The following ADAMTSL1 variants were observed in gnomAD, a reference collection of about 807,000 sequenced individuals.
ADAMTSL1 encodes ADAMTS-like protein 1.
In ADAMTSL1, 126 loss-of-function variants were observed where a neutral mutation model predicts 201.8. The observed-to-expected ratio is 0.62, with a 90% CI of 0.54 to 0.72. The LOEUF (loss-of-function observed/expected upper bound fraction) is 0.72. Among genes scored for constraint, ADAMTSL1 ranks in the 30% least tolerant of loss-of-function variants. The pLI is 0.00. For synonymous variants in ADAMTSL1, 1,121 were observed against 903.4 expected, an observed-to-expected ratio of 1.24 and a Z score of -4.32; for missense variants, 2,679 against 2,277.8, an observed-to-expected ratio of 1.18 and a Z score of -3.59.
chr9:18,844,797 A>G (rs557702074), intron 23 of ADAMTSL1, among the ~76,000 whole-genome samples: 1 of 152,174 alleles, frequency 6.6e-6, no homozygotes, highest in Non-Finnish European at 1.5e-5. Flanking sequence ...TCAGACTGCC[A>G]TGCTAGCAAT....
At chr9:17,945,668 G>A (rs1827435049) in intron 1 of ADAMTSL1, among the ~76,000 whole-genome samples, 1 of 152,154 alleles carries the variant, frequency 6.6e-6, no homozygotes, top group South Asian at 2.1e-4. Context: ...CCTTTGTAGG[G>A]ACATGGATGA....
At chr9:18,316,943 C>T (rs553162997) in intron 2 of ADAMTSL1, among the ~76,000 whole-genome samples, 22 of 152,204 alleles carry the variant, frequency 1.4e-4, no homozygotes, top group East Asian at 5.8e-4. Flanking sequence ...TTTATTGCAG[C>T]GTTATTCACA....
chr9:18,561,114 T>G (rs1821466122), intron 3 of ADAMTSL1, among the ~76,000 whole-genome samples: 1 of 152,156 alleles, frequency 6.6e-6, no homozygotes, highest in Non-Finnish European at 1.5e-5. Flanking sequence ...GGTCTTGTAA[T>G]TGTGATATTA....
At chr9:18,731,918 C>CA (rs369641783) in intron 15 of ADAMTSL1, among the ~76,000 whole-genome samples, 13 of 152,298 alleles carry the variant, frequency 8.5e-5, no homozygotes, top group African/African-American at 3.1e-4. Context: ...AACCACCTCC[C>CA]ACCAGGCCCC....
chr9:18,646,251 C>T (rs1175020520), intron 7 of ADAMTSL1, among the ~76,000 whole-genome samples: 1 of 152,024 alleles, frequency 6.6e-6, no homozygotes, highest in African/African-American at 2.4e-5. Flanking sequence ...TATCTTGAGA[C>T]TTTGCTGAAG....
At chr9:18,235,670 G>C (rs2132426866) in intron 2 of ADAMTSL1, among the ~76,000 whole-genome samples, 1 of 152,280 alleles carries the variant, frequency 6.6e-6, no homozygotes, top group South Asian at 2.1e-4. Flanking sequence ...CCCATGTTAA[G>C]AGAGGTTCTA....
chr9:18,630,888 C>G (rs1394750360), intron 5 of ADAMTSL1, among the ~76,000 whole-genome samples: 1 of 152,064 alleles, frequency 6.6e-6, no homozygotes, highest in African/African-American at 2.4e-5. Flanking sequence ...TCCTCATCTC[C>G]CTACAACCTC....
At chr9:18,446,348 G>C (rs1172781727) in intron 2 of ADAMTSL1, among the ~76,000 whole-genome samples, 1 of 152,096 alleles carries the variant, frequency 6.6e-6, no homozygotes, top group African/African-American at 2.4e-5. Flanking sequence ...TGGTATACTT[G>C]GTTTTCTGAA....
At position 18,543,874 on chromosome 9, in the gene ADAMTSL1, C is replaced by G. The variant is rs183108103; in HGVS notation, c.237+10582C>G. Among the ~76,000 whole-genome samples the G allele has an allele frequency of 2.0e-5, 3 of 152,252 alleles. No homozygotes were observed. In the East Asian group the frequency reaches 5.8e-4, roughly 29 times the overall value. On this transcript the variant is annotated intron_variant, in intron 3 of 28. Transcript: ENST00000380548. ...TCTCGGCCTTCTTCTGACTGTGGCACACATTTCTTTTTTAATGCTTTTTCT... is the reference window on the plus strand; with the variant it reads ...TCTCGGCCTTCTTCTGACTGTGGCAGACATTTCTTTTTTAATGCTTTTTCT...
intron 5 of ADAMTSL1, among the ~76,000 whole-genome samples, chr9:18,623,994 T>C (rs1826198542): frequency 6.6e-6 from 1 of 152,124 alleles, no homozygotes; most frequent in Non-Finnish European, 1.5e-5. Flanking sequence ...GTTATTCTGG[T>C]ATGCAGTGGA....
chr9:17,945,978 A>T (rs117028030), intron 1 of ADAMTSL1, among the ~76,000 whole-genome samples: 7,071 of 151,956 alleles, frequency 0.047, 230 homozygotes, highest in Non-Finnish European at 0.06. Context: ...ATAATAATAA[A>T]AAAAAGAAAA....
intron 2 of ADAMTSL1, among the ~76,000 whole-genome samples, chr9:18,507,560 A>G (rs375539973): frequency 4.6e-5 from 7 of 152,312 alleles, no homozygotes; most frequent in Admixed American, 2.6e-4. Context: ...CCAACCCAAT[A>G]CTTTAGTTTT....
intron 1 of ADAMTSL1, among the ~76,000 whole-genome samples, chr9:18,011,919 TG>T (rs1303202439): frequency 1.3e-5 from 2 of 151,998 alleles, no homozygotes; most frequent in Non-Finnish European, 2.9e-5. Context: ...GTTGCCGGTA[TG>T]GAGCTTTGGC....
intron 16 of ADAMTSL1, among the ~76,000 whole-genome samples, chr9:18,756,795 A>C (rs1819800741): frequency 6.6e-6 from 1 of 152,214 alleles, no homozygotes; most frequent in South Asian, 2.1e-4. Context: ...TTGAGGGGAG[A>C]AACTCTCTCT....
chr9:18,413,764 C>T (rs373036865), intron 2 of ADAMTSL1, among the ~76,000 whole-genome samples: 1 of 152,170 alleles, frequency 6.6e-6, no homozygotes, highest in Non-Finnish European at 1.5e-5. Flanking sequence ...TGTAAAGTCT[C>T]TTTCCTCACA....
chr9:18,348,573 A>G (rs576348071), intron 2 of ADAMTSL1, among the ~76,000 whole-genome samples: 1 of 152,334 alleles, frequency 6.6e-6, no homozygotes, highest in Non-Finnish European at 1.5e-5. Context: ...TTCATTCTAT[A>G]ACTCATAGAC....
At chr9:18,030,324 A>G (rs1361656975) in intron 1 of ADAMTSL1, among the ~76,000 whole-genome samples, 2 of 152,052 alleles carry the variant, frequency 1.3e-5, no homozygotes, top group African/African-American at 2.4e-5. Flanking sequence ...ACATGTTCTC[A>G]CTCATAGGTG....
At chr9:17,931,539 G>C (rs1009230662) in intron 1 of ADAMTSL1, among the ~76,000 whole-genome samples, 2 of 152,134 alleles carry the variant, frequency 1.3e-5, no homozygotes, top group Non-Finnish European at 2.9e-5. Flanking sequence ...TTTCAAAGAA[G>C]TTAGTTTGCA....
chr9:18,526,188 A>G (rs1379440228), intron 2 of ADAMTSL1, among the ~76,000 whole-genome samples: 2 of 152,148 alleles, frequency 1.3e-5, no homozygotes, highest in African/African-American at 2.4e-5. Context: ...TCCCTTTACC[A>G]TTATGTAATA....
Sources: gnomAD v4.1 joint callset for allele counts (sites outside exome capture counted in the v4.1 genomes callset) on GRCh38, gnomAD v4.1.1 for gene constraint, MANE v1.5 for transcripts, NCBI Gene and HGNC (gene_info 2026-07-23, HGNC 2026-07-21) for gene names.